Variants in BCL11B observed in about 807,000 individuals in gnomAD.
BCL11B encodes the protein BCL11 transcription factor B.
In BCL11B, 8 loss-of-function variants were observed where a neutral mutation model predicts 49.9. That is an observed-to-expected ratio of 0.16 (90% CI 0.09 to 0.29). BCL11B has a LOEUF of 0.29. Among genes scored for constraint, BCL11B ranks in the 10% least tolerant of loss-of-function variants. The probability of loss-of-function intolerance (pLI) is 1.00; values close to 1 mark genes in which losing one functional copy is unlikely to be tolerated. For synonymous variants in BCL11B, 739 were observed against 637.4 expected, an observed-to-expected ratio of 1.16 and a Z score of -2.40; for missense variants, 1,006 against 1,351.0, an observed-to-expected ratio of 0.74 and a Z score of 4.00.
rs1886381339 is a variant in BCL11B at position 99,174,059 on chromosome 14, G to A, written c.*92C>T. The A allele has an allele frequency of 2.3e-6, 3 of 1,331,444 alleles. No homozygotes were observed. The highest frequency in any genetic ancestry group is 2.1e-6 in the Non-Finnish European group (2 of 966,704). The allele number at this position is 1,331,444 out of a possible 1,614,324, so 82.5% of individuals were successfully genotyped here. ...GGGCCCCGGGGACACGCGGGGTGCG[G>A]GGTGGCGGTGACACGGAGGCAAGTC... is the stretch of plus-strand genomic sequence containing the variant. On this transcript the variant is annotated 3_prime_UTR_variant, in exon 4 of 4. Transcript: ENST00000357195.
At chr14:99,233,707 C>T (rs149186868) in intron 2 of BCL11B, among the ~76,000 whole-genome samples, 69 of 152,332 alleles carry the variant, frequency 4.5e-4, no homozygotes, top group Admixed American at 9.8e-4. Context: ...CTCCTGGAAA[C>T]GTCCAAGGTG....
At chr14:99,246,194 G>C (rs928111490) in intron 2 of BCL11B, among the ~76,000 whole-genome samples, 1 of 152,170 alleles carries the variant, frequency 6.6e-6, no homozygotes, top group South Asian at 2.1e-4. Context: ...GTCAGGGGAG[G>C]AAGAAAGGAG....
chr14:99,193,004 G>A (rs527799769), intron 3 of BCL11B, among the ~76,000 whole-genome samples: 1 of 152,162 alleles, frequency 6.6e-6, no homozygotes, highest in Non-Finnish European at 1.5e-5. Flanking sequence ...AGCAGGATGG[G>A]GCTAAGAGGG....
intron 3 of BCL11B, among the ~76,000 whole-genome samples, chr14:99,179,473 TAAAAAA>T (rs35703913): frequency 1.6e-4 from 9 of 54,546 alleles, no homozygotes; most frequent in African/African-American, 4.8e-4. Context: ...GAATCCATCT[TAAAAAA>T]AAAAAAAAAA....
At chr14:99,190,248 G>A (rs1886982318) in intron 3 of BCL11B, among the ~76,000 whole-genome samples, 1 of 152,234 alleles carries the variant, frequency 6.6e-6, no homozygotes, top group Non-Finnish European at 1.5e-5. Context: ...CAGCACTTTG[G>A]GAGGCCAAAG....
chr14:99,218,114 A>G lies in BCL11B; in HGVS notation c.640+13231T>C, dbSNP rs370529306. 1.0e-3 allele frequency among the ~76,000 whole-genome samples: 131 copies of G among 130,076 alleles called. 3 individuals carry two copies. The East Asian group carries it at 0.017, about 17-fold the overall frequency. 85.3% of individuals were successfully genotyped at this position (130,076 alleles called of 152,430 possible). Reference sequence around the variant, plus strand: ...AGAGTCTCACTCTGTTGCCCAGGCTAGAGTGCAGTGGCGCGATCTCAGCTC... The same window carrying G: ...AGAGTCTCACTCTGTTGCCCAGGCTGGAGTGCAGTGGCGCGATCTCAGCTC... On this transcript the variant is annotated intron_variant, in intron 3 of 3. Coordinates refer to ENST00000357195, the MANE Select transcript of BCL11B (RefSeq NM_138576.4).
chr14:99,250,580 G>C (rs1411243366), intron 2 of BCL11B, among the ~76,000 whole-genome samples: 1 of 152,000 alleles, frequency 6.6e-6, no homozygotes, highest in South Asian at 2.1e-4. Context: ...TTCTAGACCT[G>C]GTGGTTAATT....
Position 99,173,201 on chromosome 14 carries a change from C to A in BCL11B, c.*950G>T, listed in dbSNP as rs1886347169. The A allele has an allele frequency of 4.4e-6, 1 of 229,340 alleles. No homozygotes were observed. The highest frequency in any genetic ancestry group is 8.7e-6 in the Non-Finnish European group (1 of 115,600). 14.2% of individuals were successfully genotyped at this position (229,340 alleles called of 1,614,324 possible). On this transcript the variant is annotated 3_prime_UTR_variant, in exon 4 of 4. Transcript: ENST00000357195. Reference sequence around the variant, plus strand: ...CATCTCCCCAAAAAGGTACCCTCAGCCCATTTTATGTAGCCTAATCTACAG... The same window carrying A: ...CATCTCCCCAAAAAGGTACCCTCAGACCATTTTATGTAGCCTAATCTACAG...
At chr14:99,244,020 C>A (rs934327838) in intron 2 of BCL11B, among the ~76,000 whole-genome samples, 4 of 151,724 alleles carry the variant, frequency 2.6e-5, no homozygotes, top group African/African-American at 7.3e-5. Flanking sequence ...GCCTACCCTG[C>A]CACTCAGGCG....
chr14:99,220,423 G>C (rs916462632), intron 3 of BCL11B, among the ~76,000 whole-genome samples: 8 of 152,194 alleles, frequency 5.3e-5, no homozygotes, highest in Admixed American at 1.3e-4. Context: ...GAAGGAGATT[G>C]TAACACGTGC....
rs572245354 is a variant in BCL11B, at chr14:99,170,812, C to T, written c.*3339G>A. 22 of 232,962 alleles carry T rather than the reference C, an allele frequency of 9.4e-5. No homozygotes were observed. The highest frequency in any genetic ancestry group is 7.9e-4 in the East Asian group (13 of 16,542). 14.4% of individuals were successfully genotyped at this position (232,962 alleles called of 1,614,324 possible). On this transcript the variant is annotated 3_prime_UTR_variant, in exon 4 of 4. Coordinates refer to ENST00000357195, the MANE Select transcript of BCL11B (RefSeq NM_138576.4). ...CTCCTTCCTGAAATCCAATTTGTACCGGTCTCAACAGCAGGTCACTTCACC... is the reference window on the plus strand; with the variant it reads ...CTCCTTCCTGAAATCCAATTTGTACTGGTCTCAACAGCAGGTCACTTCACC...
intron 3 of BCL11B, among the ~76,000 whole-genome samples, chr14:99,215,542 G>C (rs1887809903): frequency 6.6e-6 from 1 of 152,236 alleles, no homozygotes. Flanking sequence ...CCAGCATGCG[G>C]ACGGCTCTCA....
At chr14:99,235,644 T>TC (rs34919739) in intron 2 of BCL11B, among the ~76,000 whole-genome samples, 2 of 151,272 alleles carry the variant, frequency 1.3e-5, no homozygotes, top group Non-Finnish European at 2.9e-5. Flanking sequence ...TATTTTTCTC[T>TC]CCCCCCTCTC....
At chr14:99,249,575 C>G (rs920913629) in intron 2 of BCL11B, among the ~76,000 whole-genome samples, 1 of 152,198 alleles carries the variant, frequency 6.6e-6, no homozygotes, top group African/African-American at 2.4e-5. Context: ...CCTCGTGGGG[C>G]AGAGAGGTGG....
chr14:99,177,463 G>A (rs1010379700), intron 3 of BCL11B, among the ~76,000 whole-genome samples: 1 of 151,290 alleles, frequency 6.6e-6, no homozygotes, highest in African/African-American at 2.4e-5. Context: ...GAAGCTCGCC[G>A]CTTTTCCAGT....
chr14:99,238,156 G>C (rs1419363913), intron 2 of BCL11B, among the ~76,000 whole-genome samples: 1 of 152,052 alleles, frequency 6.6e-6, no homozygotes, highest in Non-Finnish European at 1.5e-5. Flanking sequence ...CCCTGAGCCA[G>C]GCTGCCCTAC....
At position 99,231,439 on chromosome 14, in the gene BCL11B, G is replaced by C. The variant is rs748018952; in HGVS notation, c.546C>G (p.Pro182=). ...RALGALPPCL[P]LPCCSARPVS... ...CCGGGCGCGCGCTGCAGCACGGCAGGGGGAGGCAGGGCGGGAGAGCGCCCA... is the reference window on the plus strand; with the variant it reads ...CCGGGCGCGCGCTGCAGCACGGCAGCGGGAGGCAGGGCGGGAGAGCGCCCA... Residue 182 remains proline (P), a synonymous_variant, in exon 3 of 4, where the codon CCC becomes CCG. Transcript: ENST00000357195. The surrounding 1 kb of genome is among the most constrained non-coding windows in gnomAD (Gnocchi z 8.1). 1.1e-5 allele frequency: 18 copies of C among 1,597,104 alleles called. No homozygotes were observed. The highest frequency in any genetic ancestry group is 3.4e-5 in the Admixed American group (2 of 58,472).
At chr14:99,222,823 A>C (rs1888048813) in intron 3 of BCL11B, among the ~76,000 whole-genome samples, 1 of 150,544 alleles carries the variant, frequency 6.6e-6, no homozygotes, top group Non-Finnish European at 1.5e-5. Context: ...CAGCCCTTTA[A>C]TTTCTTTATT....
chr14:99,199,640 C>CTGTGTGTGTGTG (rs79328426), intron 3 of BCL11B, among the ~76,000 whole-genome samples: 26 of 109,586 alleles, frequency 2.4e-4, no homozygotes, highest in African/African-American at 7.0e-4. Context: ...TGGCTAAATG[C>CTGTGTGTGTGTG]TGTGTGTGTG....
Sources: gnomAD v4.1 joint callset for allele counts (sites outside exome capture counted in the v4.1 genomes callset) on GRCh38, gnomAD v4.1.1 for gene constraint, Gnocchi (gnomAD v3.1) non-coding constraint, MANE v1.5 for transcripts, NCBI Gene and HGNC (gene_info 2026-07-23, HGNC 2026-07-21) for gene names.